ARHGAP19: variants seen among roughly 807,000 people sequenced by gnomAD.
ARHGAP19 encodes rho GTPase-activating protein 19.
Under a neutral mutation model 60.9 loss-of-function variants are expected in ARHGAP19, and 48 were observed. That is an observed-to-expected ratio of 0.79 (90% CI 0.62 to 1.00). The LOEUF is 1.00. ARHGAP19 is among the 50% of genes least tolerant of loss of function. ARHGAP19 has a pLI of 0.00. For synonymous variants in ARHGAP19, 209 were observed against 215.5 expected (o/e 0.97, Z 0.27); for missense variants, 562 against 597.2 (o/e 0.94, Z 0.61).
At chr10:97,282,972 A>G (rs1843105779) in intron 1 of ARHGAP19, among the ~76,000 whole-genome samples, 1 of 149,796 alleles carries the variant, frequency 6.7e-6, no homozygotes, top group Non-Finnish European at 1.5e-5. Flanking sequence ...CCTCCCAAGT[A>G]GCTGGGATTA....
rs1047335141 is a variant in ARHGAP19, at chr10:97,224,698, C to G, written c.*1424G>C. On this transcript the variant is annotated 3_prime_UTR_variant, in exon 12 of 12. Transcript: ENST00000358531. ...CAACTGCTTCCCCATAGTGGCCTGA[C>G]TCGGCTCCAACCCACAGGGTGAGAA... 6.6e-6 allele frequency: 1 copy of G among 152,272 alleles called. No homozygotes were observed. Among genetic ancestry groups the G allele is most frequent in the Non-Finnish European group, 1.5e-5 (1 of 68,070 alleles). 9.4% of individuals were successfully genotyped at this position (152,272 alleles called of 1,614,324 possible). A position where few individuals can be genotyped will look rare whatever the true frequency, so the allele number is the denominator to read the frequency against.
intron 6 of ARHGAP19, among the ~76,000 whole-genome samples, chr10:97,250,054 G>A (rs1842620924): frequency 6.6e-6 from 1 of 152,078 alleles, no homozygotes; most frequent in African/African-American, 2.4e-5. Flanking sequence ...AAAGTGCTGG[G>A]ATTACAGGCG....
chr10:97,249,718 G>A (rs942459964), intron 6 of ARHGAP19, among the ~76,000 whole-genome samples: 4 of 151,918 alleles, frequency 2.6e-5, no homozygotes, highest in African/African-American at 9.7e-5. Context: ...AGGACAGCTG[G>A]GGAATTTGAA....
At chr10:97,229,012 C>A (rs952405968) in intron 11 of ARHGAP19, 135 bp downstream of exon 11, 1 of 843,704 alleles carries the variant, frequency 1.2e-6, no homozygotes, top group African/African-American at 1.7e-5. Context: ...AACTCAAGGG[C>A]AAGGACCTGG....
chr10:97,256,963 T>A (rs1842762112), intron 5 of ARHGAP19, among the ~76,000 whole-genome samples: 1 of 151,102 alleles, frequency 6.6e-6, no homozygotes, highest in Non-Finnish European at 1.5e-5. Context: ...CTACCAAAAA[T>A]ACAAAAAATT....
chr10:97,292,539 G>A lies in ARHGAP19; in HGVS notation c.56+33C>T, dbSNP rs965917506. ...GGCAGGACTACCAGCCCAAGGCCGC[G>A]TTTCCCAGGAAACTGGACCAAACTC... On this transcript the variant is annotated intron_variant, in intron 1 of 11. Coordinates refer to ENST00000358531, the MANE Select transcript of ARHGAP19 (RefSeq NM_032900.6). 3 of 1,613,864 alleles carry A rather than the reference G, an allele frequency of 1.9e-6. No individual in the cohort carries two copies. In the African/African-American group the frequency reaches 4.0e-5, roughly 22 times the overall value.
chr10:97,273,904 T>C (rs767705518), intron 1 of ARHGAP19, among the ~76,000 whole-genome samples: 6 of 151,594 alleles, frequency 4.0e-5, no homozygotes, highest in African/African-American at 1.2e-4. Flanking sequence ...GGACAGACTC[T>C]AGCTATATGT....
intron 1 of ARHGAP19, among the ~76,000 whole-genome samples, chr10:97,270,281 G>A (rs1589375642): frequency 6.6e-6 from 1 of 151,354 alleles, no homozygotes; most frequent in Non-Finnish European, 1.5e-5. Flanking sequence ...CACTTTTTCT[G>A]TGTGGACCAC....
chr10:97,283,553 CA>C (rs879561476), intron 1 of ARHGAP19, among the ~76,000 whole-genome samples: 117 of 133,172 alleles, frequency 8.8e-4, no homozygotes, highest in Admixed American at 1.1e-3. Flanking sequence ...GACTCTGTCT[CA>C]AAAAAAAAAA....
chr10:97,237,424 C>CT (rs754624774), intron 8 of ARHGAP19, among the ~76,000 whole-genome samples: 11 of 152,118 alleles, frequency 7.2e-5, no homozygotes, highest in Non-Finnish European at 1.2e-4. Flanking sequence ...TGAAAAATTC[C>CT]TATCACCTCA....
chr10:97,288,139 A>G (rs1427216196), intron 1 of ARHGAP19, among the ~76,000 whole-genome samples: 1 of 152,214 alleles, frequency 6.6e-6, no homozygotes, highest in African/African-American at 2.4e-5. Context: ...TGTTAAAATA[A>G]TGATGAAAAA....
At chr10:97,270,097 C>T (rs1237203762) in intron 1 of ARHGAP19, among the ~76,000 whole-genome samples, 1 of 151,594 alleles carries the variant, frequency 6.6e-6, no homozygotes, top group African/African-American at 2.4e-5. Context: ...ATAAGGAATA[C>T]AAGAAAAAAA....
At chr10:97,287,299 G>A (rs1392093096) in intron 1 of ARHGAP19, among the ~76,000 whole-genome samples, 1 of 152,118 alleles carries the variant, frequency 6.6e-6, no homozygotes, top group Non-Finnish European at 1.5e-5. Context: ...CTGCTTAAGA[G>A]TAACTTGAAG....
chr10:97,284,855 C>CTTTTT, intron 1 of ARHGAP19, among the ~76,000 whole-genome samples: 1 of 124,150 alleles, frequency 8.1e-6, no homozygotes, highest in Non-Finnish European at 1.7e-5. Context: ...AAAGCATATA[C>CTTTTT]TTTTTTTTTT....
intron 9 of ARHGAP19, among the ~76,000 whole-genome samples, chr10:97,233,849 CAG>C (rs752753594): frequency 9.8e-4 from 141 of 144,500 alleles, no homozygotes; most frequent in African/African-American, 3.5e-3. Flanking sequence ...GCCTGGGTGA[CAG>C]AGAGAGACTC....
chr10:97,278,076 T>G (rs191173554), intron 1 of ARHGAP19: 21 of 153,270 alleles, frequency 1.4e-4, no homozygotes, highest in Non-Finnish European at 2.8e-4. Flanking sequence ...TCTACACATC[T>G]AAGAAACAAA....
intron 6 of ARHGAP19, among the ~76,000 whole-genome samples, chr10:97,252,901 G>GT (rs540608684): frequency 6.6e-5 from 10 of 152,222 alleles, no homozygotes; most frequent in Middle Eastern, 3.4e-3. Flanking sequence ...TGTAATCAAC[G>GT]TAAGTGTCCA....
intron 1 of ARHGAP19, among the ~76,000 whole-genome samples, chr10:97,281,100 T>C (rs1843078966): frequency 6.6e-6 from 1 of 151,880 alleles, no homozygotes; most frequent in African/African-American, 2.4e-5. Flanking sequence ...TAAGAGTTTC[T>C]GGCCAGGCAC....
chr10:97,260,406 T>C (rs1390350480), intron 4 of ARHGAP19, among the ~76,000 whole-genome samples: 3 of 151,570 alleles, frequency 2.0e-5, no homozygotes, highest in Non-Finnish European at 4.4e-5. Flanking sequence ...GGTGGGCGCC[T>C]GTAGTCCCAG....
Sources: gnomAD v4.1 joint callset for allele counts (sites outside exome capture counted in the v4.1 genomes callset) on GRCh38, gnomAD v4.1.1 for gene constraint, MANE v1.5 for transcripts, NCBI Gene and HGNC (gene_info 2026-07-23, HGNC 2026-07-21) for gene names.